Variants in PRUNE2 observed in about 807,000 individuals in gnomAD.
The protein encoded by PRUNE2 is prune homolog 2 with BCH domain.
In PRUNE2, 164 loss-of-function variants were observed where a neutral mutation model predicts 252.0. That is an observed-to-expected ratio of 0.65 (90% CI 0.57 to 0.74). PRUNE2 has a LOEUF of 0.74. Ranked by LOEUF, PRUNE2 falls within the 30% of genes least tolerant of loss-of-function variation. The probability of loss-of-function intolerance (pLI) is 0.00; values close to 1 mark genes in which losing one functional copy is unlikely to be tolerated. For synonymous variants in PRUNE2, 1,292 were observed against 1,350.2 expected, an observed-to-expected ratio of 0.96 and a Z score of 0.94; for missense variants, 3,495 against 3,711.0, an observed-to-expected ratio of 0.94 and a Z score of 1.51.
intron 4 of PRUNE2, among the ~76,000 whole-genome samples, chr9:76,837,038 A>G (rs2059023532): frequency 1.3e-5 from 2 of 152,226 alleles, no homozygotes. Context: ...TTCAAATATG[A>G]TTGAATTTAA....
At chr9:76,803,150 G>T (rs2056678670) in intron 6 of PRUNE2, among the ~76,000 whole-genome samples, 1 of 152,220 alleles carries the variant, frequency 6.6e-6, no homozygotes, top group Non-Finnish European at 1.5e-5. Context: ...TGTAAAAGCA[G>T]CGTAATGAGA....
chr9:76,685,767 A>G (rs1282640113), intron 9 of PRUNE2, among the ~76,000 whole-genome samples: 2 of 152,198 alleles, frequency 1.3e-5, no homozygotes, highest in African/African-American at 4.8e-5. Context: ...CATCTTTGGT[A>G]CTTTGTTATA....
At chr9:76,860,104 A>G (rs151186420) in intron 1 of PRUNE2, among the ~76,000 whole-genome samples, 219 of 152,290 alleles carry the variant, frequency 1.4e-3, no homozygotes, top group African/African-American at 5.1e-3. Flanking sequence ...CTGTCTTTGC[A>G]TAGCTGAGTC....
intron 6 of PRUNE2, among the ~76,000 whole-genome samples, chr9:76,762,743 C>G (rs2051871896): frequency 6.6e-6 from 1 of 152,160 alleles, no homozygotes; most frequent in African/African-American, 2.4e-5. Context: ...GCTCCAGAGT[C>G]AGGCCCTTCG....
chr9:76,760,572 A>G (rs1057190743), intron 6 of PRUNE2, among the ~76,000 whole-genome samples: 12 of 152,162 alleles, frequency 7.9e-5, no homozygotes, highest in Admixed American at 7.2e-4. Flanking sequence ...TCCACACTAC[A>G]TGCTGCATCC....
chr9:76,849,067 G>A (rs889114601), intron 3 of PRUNE2, among the ~76,000 whole-genome samples: 2 of 152,002 alleles, frequency 1.3e-5, no homozygotes, highest in African/African-American at 4.8e-5. Context: ...TACCACTATG[G>A]CCAGCTAATT....
At chr9:76,762,607 A>G (rs1468246262) in intron 6 of PRUNE2, among the ~76,000 whole-genome samples, 1 of 152,218 alleles carries the variant, frequency 6.6e-6, no homozygotes, top group East Asian at 1.9e-4. Flanking sequence ...CAAACTCTCC[A>G]AACTCTCCAC....
At chr9:76,726,148 G>A (rs920021583) in intron 6 of PRUNE2, among the ~76,000 whole-genome samples, 1 of 152,140 alleles carries the variant, frequency 6.6e-6, no homozygotes, top group Non-Finnish European at 1.5e-5. Context: ...AATGAGTCAC[G>A]ACTCCCTTTT....
intron 9 of PRUNE2, among the ~76,000 whole-genome samples, chr9:76,677,701 T>C (rs1163445402): frequency 2.6e-5 from 4 of 152,182 alleles, no homozygotes; most frequent in Admixed American, 6.5e-5. Flanking sequence ...TATCTTTTCA[T>C]TCCCACACAG....
intron 6 of PRUNE2, among the ~76,000 whole-genome samples, chr9:76,815,793 C>T (rs1396267257): frequency 6.6e-6 from 1 of 152,002 alleles, no homozygotes; most frequent in Admixed American, 6.5e-5. Flanking sequence ...TGAAACTGAC[C>T]AATAGGTAAA....
intron 6 of PRUNE2, chr9:76,758,716 A>G (rs554237579): frequency 1.4e-4 from 22 of 152,228 alleles, no homozygotes; most frequent in African/African-American, 4.8e-4. Flanking sequence ...TTTACAATCC[A>G]TACAAGCATT....
chr9:76,897,400 T>C (rs779158679), intron 1 of PRUNE2, among the ~76,000 whole-genome samples: 1 of 93,622 alleles, frequency 1.1e-5, no homozygotes, highest in Non-Finnish European at 2.0e-5. Context: ...CTTTTTTTTT[T>C]TTTTTTTTTT....
Position 76,725,317 on chromosome 9 carries a change from C to T in PRUNE2, c.757-11596G>A, listed in dbSNP as rs189472979. On this transcript the variant is annotated intron_variant, in intron 6 of 18. Coordinates refer to ENST00000376718, the MANE Select transcript of PRUNE2 (RefSeq NM_015225.3). ...ATCAAACTGTCTCTTTTGTTCCTCA[C>T]GCTCCTTGCATGGGGAGCACAATAT... Among the ~76,000 whole-genome samples, 47 of 152,316 alleles carry T rather than the reference C, an allele frequency of 3.1e-4. No individual in the cohort carries two copies. The East Asian group carries it at 6.6e-3, about 21-fold the overall frequency.
intron 9 of PRUNE2, among the ~76,000 whole-genome samples, chr9:76,699,780 A>T (rs1258526860): frequency 6.6e-6 from 1 of 152,262 alleles, no homozygotes; most frequent in Non-Finnish European, 1.5e-5. Context: ...AAACCCTAAC[A>T]TGTAACCAAA....
At position 76,665,245 on chromosome 9, in the gene PRUNE2, T is replaced by C. The variant is rs2039898933; in HGVS notation, c.8277-9743A>G. 2.0e-5 allele frequency among the ~76,000 whole-genome samples: 3 copies of C among 152,206 alleles called. No homozygotes were observed. The South Asian group carries it at 6.2e-4, about 32-fold the overall frequency. ...CCCCTAAGCCCAGACTCAAGCCTCC[T>C]TTCTCATTCCCCACTCCCCACTTAG... On this transcript the variant is annotated intron_variant, in intron 9 of 18. Transcript: ENST00000376718.
chr9:76,744,546 C>A (rs535280813), intron 6 of PRUNE2, among the ~76,000 whole-genome samples: 15 of 152,322 alleles, frequency 9.8e-5, no homozygotes, highest in African/African-American at 3.6e-4. Context: ...AACCCACACA[C>A]CCTTCCTACT....
At chr9:76,828,160 G>A (rs2058454938) in intron 4 of PRUNE2, among the ~76,000 whole-genome samples, 1 of 152,220 alleles carries the variant, frequency 6.6e-6, no homozygotes, top group South Asian at 2.1e-4. Context: ...GTTCAGAGGA[G>A]TCTTCCTAGA....
At chr9:76,690,801 G>A (rs894199597) in intron 9 of PRUNE2, among the ~76,000 whole-genome samples, 4 of 152,148 alleles carry the variant, frequency 2.6e-5, no homozygotes, top group African/African-American at 9.7e-5. Flanking sequence ...GACTTCCAAT[G>A]ACAATAACCT....
At chr9:76,615,350 G>A in intron 18 of PRUNE2, 1 of 531,112 alleles carries the variant, frequency 1.9e-6, no homozygotes. Context: ...GCACGTATCT[G>A]TGGATTTTGC....
Sources: gnomAD v4.1 joint callset for allele counts (sites outside exome capture counted in the v4.1 genomes callset) on GRCh38, gnomAD v4.1.1 for gene constraint, MANE v1.5 for transcripts, NCBI Gene and HGNC (gene_info 2026-07-23, HGNC 2026-07-21) for gene names.